Variants in ARFGEF3 observed in about 807,000 individuals in gnomAD.
ARFGEF3 encodes the protein ARFGEF family member 3, also known as brefeldin A-inhibited guanine nucleotide-exchange protein 3.
Under a neutral mutation model 221.7 loss-of-function variants are expected in ARFGEF3, and 96 were observed. That is an observed-to-expected ratio of 0.43 (90% CI 0.37 to 0.51). ARFGEF3 has a LOEUF of 0.51. ARFGEF3 is among the 20% of genes least tolerant of loss of function. The probability of loss-of-function intolerance (pLI) is 0.00; values close to 1 mark genes in which losing one functional copy is unlikely to be tolerated. For synonymous variants in ARFGEF3, 1,145 were observed against 1,126.8 expected (o/e 1.02, Z -0.32); for missense variants, 2,410 against 2,789.9 (o/e 0.86, Z 3.07).
chr6:138,233,775 G>T (rs1033349830), intron 5 of ARFGEF3, among the ~76,000 whole-genome samples: 3 of 152,138 alleles, frequency 2.0e-5, no homozygotes, highest in Non-Finnish European at 1.5e-5. Context: ...ATATAATCCT[G>T]CAGAAAAGTA....
At position 138,196,910 on chromosome 6, in the gene ARFGEF3, C is replaced by T. The variant is rs559524318; in HGVS notation, c.138-10132C>T. Among the ~76,000 whole-genome samples, 34 of 151,782 alleles carry T rather than the reference C, an allele frequency of 2.2e-4. No homozygotes were observed. In the East Asian group the frequency reaches 5.0e-3, roughly 22 times the overall value. On this transcript the variant is annotated intron_variant, in intron 2 of 33. Coordinates refer to ENST00000251691, the MANE Select transcript of ARFGEF3 (RefSeq NM_020340.5). The stretch of plus-strand genomic sequence containing the variant: ...GTGCAGTGGTGTGATCTCGGCTCAC[C>T]GCAACCTCCGCCTCCCGGGTTCAAA...
intron 2 of ARFGEF3, among the ~76,000 whole-genome samples, chr6:138,190,908 T>C (rs998749011): frequency 2.0e-5 from 3 of 152,192 alleles, no homozygotes; most frequent in African/African-American, 7.2e-5. Flanking sequence ...AGAGAGAACA[T>C]GTTGCTATTT....
intron 12 of ARFGEF3, among the ~76,000 whole-genome samples, chr6:138,278,031 G>A (rs1245573072): frequency 6.6e-6 from 1 of 152,194 alleles, no homozygotes; most frequent in Non-Finnish European, 1.5e-5. Context: ...CTGAGGGACA[G>A]CAGGCAGTCA....
chr6:138,290,389 A>G (rs767765860), intron 18 of ARFGEF3, among the ~76,000 whole-genome samples: 5 of 152,254 alleles, frequency 3.3e-5, no homozygotes, highest in Non-Finnish European at 7.3e-5. Flanking sequence ...ATTTGCATAC[A>G]TAAAATACAA....
chr6:138,236,452 C>A (rs993524992), intron 5 of ARFGEF3, among the ~76,000 whole-genome samples: 5 of 152,280 alleles, frequency 3.3e-5, no homozygotes, highest in African/African-American at 1.2e-4. Flanking sequence ...ACCATTTCAT[C>A]GCATGCAAAA....
Position 138,254,419 on chromosome 6 carries a change from A to C in ARFGEF3, c.770+435A>C, listed in dbSNP as rs76354963. 3.1e-4 allele frequency among the ~76,000 whole-genome samples: 44 copies of C among 139,980 alleles called. 1 individual carries two copies. In the East Asian group the frequency reaches 5.9e-3, roughly 19 times the overall value. The allele number at this position is 139,980 out of a possible 152,430, so 91.8% of individuals were successfully genotyped here. ...GGGTGACAGAGCAAGACTCTGTCCC[A>C]AAAAAAAAAAAAAATTAAATAATAA... On this transcript the variant is annotated intron_variant, in intron 9 of 33. Coordinates refer to ENST00000251691, the MANE Select transcript of ARFGEF3 (RefSeq NM_020340.5).
At chr6:138,186,714 T>C (rs1777190782) in intron 2 of ARFGEF3, among the ~76,000 whole-genome samples, 1 of 152,052 alleles carries the variant, frequency 6.6e-6, no homozygotes, top group Admixed American at 6.6e-5. Flanking sequence ...GCTGTTAGAA[T>C]TTGAAGAGGT....
Position 138,265,052 on chromosome 6 carries a change from C to T in ARFGEF3, c.2128+1441C>T, listed in dbSNP as rs538294688. On this transcript the variant is annotated intron_variant, in intron 12 of 33. Transcript: ENST00000251691. ...CCAAGTAGCTGGGACTACAGGCGCC[C>T]ACCACCACACCGGGCTAATTTTTTG... Among the ~76,000 whole-genome samples the T allele has an allele frequency of 1.4e-4, 21 of 152,020 alleles. No homozygotes were observed. The South Asian group carries it at 2.1e-3, about 15-fold the overall frequency.
At chr6:138,264,269 G>A (rs551406561) in intron 12 of ARFGEF3, among the ~76,000 whole-genome samples, 14 of 152,298 alleles carry the variant, frequency 9.2e-5, no homozygotes, top group Admixed American at 4.6e-4. Context: ...GGTGGAGGAA[G>A]CAGATAAAGA....
chr6:138,211,735 G>C (rs1307265152), intron 4 of ARFGEF3, among the ~76,000 whole-genome samples: 3 of 152,120 alleles, frequency 2.0e-5, no homozygotes, highest in Non-Finnish European at 2.9e-5. Flanking sequence ...ATTCTTCTAG[G>C]AGCTATGCAC....
Position 138,212,847 on chromosome 6 carries a change from C to T in ARFGEF3, c.351+2806C>T, listed in dbSNP as rs1032103273. ...ACAATGAGAACACTTGGACACAAGGCGGGGAACATCACACACCAGGGCCTG... is the reference window on the plus strand; with the variant it reads ...ACAATGAGAACACTTGGACACAAGGTGGGGAACATCACACACCAGGGCCTG... On this transcript the variant is annotated intron_variant, in intron 4 of 33. Transcript: ENST00000251691. 4.6e-5 allele frequency among the ~76,000 whole-genome samples: 7 copies of T among 151,966 alleles called. No individual in the cohort carries two copies. In the East Asian group the frequency reaches 9.7e-4, roughly 21 times the overall value.
Position 138,334,379 on chromosome 6 carries a change from G to A in ARFGEF3, c.5533G>A (p.Asp1845Asn), listed in dbSNP as rs745914401. The A allele has an allele frequency of 2.7e-5, 43 of 1,613,246 alleles. No individual in the cohort carries two copies. The highest frequency in any genetic ancestry group is 2.5e-5 in the Non-Finnish European group (29 of 1,179,710). Reference protein sequence around the residue: ...EQVKKVLFEDDERSTDSSQQC... With the variant: ...EQVKKVLFEDNERSTDSSQQC... The stretch of plus-strand genomic sequence containing the variant: ...AGTGAAGAAGGTCCTTTTTGAGGAC[G>A]ACGAGAGAAGCACGGATTCTTCCCA... The change falls in exon 33 of 34, where the codon GAC (aspartate) becomes AAC (asparagine). Residue 1845 changes from aspartate (D) to asparagine (N), a missense_variant. By Grantham distance (23) the Asp-to-Asn change is conservative. Transcript: ENST00000251691. This position sits in a 1 kb window ranked among gnomAD's most constrained non-coding sequence, Gnocchi z 5.1.
chr6:138,218,368 A>G, intron 4 of ARFGEF3: 1 of 1,544,636 alleles, frequency 6.5e-7, no homozygotes, highest in Non-Finnish European at 8.7e-7. Context: ...ATATCCTCAT[A>G]TTTCTGGTTC....
At chr6:138,300,383 T>C (rs1409044317) in intron 22 of ARFGEF3, among the ~76,000 whole-genome samples, 1 of 152,180 alleles carries the variant, frequency 6.6e-6, no homozygotes, top group Non-Finnish European at 1.5e-5. Flanking sequence ...CACCTAAGAC[T>C]TTATACCAAT....
intron 2 of ARFGEF3, among the ~76,000 whole-genome samples, chr6:138,193,863 T>C (rs1777358930): frequency 6.6e-6 from 1 of 152,230 alleles, no homozygotes; most frequent in African/African-American, 2.4e-5. Context: ...TAGTTTTGTT[T>C]TGCTTTTAAG....
At chr6:138,336,234 T>C (rs368758281) in intron 33 of ARFGEF3, 61 bp from the exon 34 acceptor site, 3 of 1,353,174 alleles carry the variant, frequency 2.2e-6, no homozygotes, top group South Asian at 1.7e-5. Context: ...AGGGCCACTC[T>C]CAAGTGTTCA....
chr6:138,219,826 A>G (rs1436201547), intron 4 of ARFGEF3, among the ~76,000 whole-genome samples: 2 of 152,212 alleles, frequency 1.3e-5, no homozygotes, highest in East Asian at 3.9e-4. Flanking sequence ...AATATTTTAA[A>G]AGATGAATTT....
At chr6:138,263,705 C>A in intron 12 of ARFGEF3, 94 bp downstream of exon 12, 3 of 1,166,520 alleles carry the variant, frequency 2.6e-6, no homozygotes, top group Non-Finnish European at 3.6e-6. Flanking sequence ...GTTTGACGTG[C>A]TCAAAGCATA....
At position 138,254,431 on chromosome 6, in the gene ARFGEF3, A is replaced by AC. The variant is rs1158342154; in HGVS notation, c.770+447_770+448insC. 6.0e-5 allele frequency among the ~76,000 whole-genome samples: 9 copies of AC among 150,964 alleles called. No homozygotes were observed. The East Asian group carries it at 1.5e-3, about 26-fold the overall frequency. ...AAGACTCTGTCCCAAAAAAAAAAAA[A>AC]AATTAAATAATAATAATAATAATAG... On this transcript the variant is annotated intron_variant, in intron 9 of 33. Coordinates refer to ENST00000251691, the MANE Select transcript of ARFGEF3 (RefSeq NM_020340.5).
Sources: allele counts gnomAD v4.1 joint callset (sites outside exome capture counted in the v4.1 genomes callset), GRCh38; gene constraint gnomAD v4.1.1; non-coding constraint Gnocchi (gnomAD v3.1); transcripts MANE v1.5; gene names NCBI Gene and HGNC (gene_info 2026-07-23, HGNC 2026-07-21).